PCDHGA6: variants seen among roughly 807,000 people sequenced by gnomAD.
PCDHGA6 encodes protocadherin gamma subfamily A, 6.
In PCDHGA6, 41 loss-of-function variants were observed where a neutral mutation model predicts 60.6. The ratio of observed to expected loss-of-function variants is 0.68; its 90% CI spans 0.53 to 0.88. The LOEUF is 0.88. PCDHGA6 is among the 40% of genes least tolerant of loss of function. PCDHGA6 has a pLI of 0.00. For missense variants in PCDHGA6, 1,312 were observed against 1,203.0 expected, an observed-to-expected ratio of 1.09 and a Z score of -1.34; for synonymous variants, 594 against 524.4, an observed-to-expected ratio of 1.13 and a Z score of -1.81.
chr5:141,378,520 C>T (rs930266884), intron 1 of PCDHGA6: 4 of 151,996 alleles, frequency 2.6e-5, no homozygotes, highest in Non-Finnish European at 5.9e-5. Flanking sequence ...GAGACTCTGT[C>T]TCAAAAAATA....
At position 141,375,929 on chromosome 5, in the gene PCDHGA6, C is replaced by T; in HGVS notation, c.1846C>T (p.Leu616Phe). 1 of 1,613,738 alleles carries T rather than the reference C, an allele frequency of 6.2e-7. No homozygotes were observed. Among genetic ancestry groups the T allele is most frequent in the South Asian group, 1.1e-5 (1 of 91,072 alleles). ...CCTGCTCAAGGCCAGCGAGCCAGGA[C>T]TTTTCTCAGTGGGCCTGCACACGGG... ...YRLLKASEPG[L>F]FSVGLHTGEV... Residue 616 changes from leucine to phenylalanine, a missense_variant, in exon 1 of 4, where the codon CTT becomes TTT. Transcript: ENST00000517434.
chr5:141,508,026 T>A (rs972124070), intron 3 of PCDHGA6: 3 of 152,314 alleles, frequency 2.0e-5, no homozygotes, highest in African/African-American at 7.2e-5. Context: ...GGCTGCGGTT[T>A]GCAGCTCAGC....
At chr5:141,405,032 G>A (rs747720731) in intron 1 of PCDHGA6, 25 of 1,613,806 alleles carry the variant, frequency 1.5e-5, no homozygotes, top group African/African-American at 6.7e-5. Context: ...CCTCTACCTC[G>A]TTGTGGCTGT....
At chr5:141,455,394 C>T (rs1034564159) in intron 1 of PCDHGA6, among the ~76,000 whole-genome samples, 2 of 152,004 alleles carry the variant, frequency 1.3e-5, no homozygotes, top group African/African-American at 4.8e-5. Context: ...AAGGAGCTCC[C>T]CCTTACAGAG....
rs763104309 is a variant in PCDHGA6, at chr5:141,432,042, G to A, written c.2424+55535G>A. 5 of 1,614,090 alleles carry A rather than the reference G, an allele frequency of 3.1e-6. No homozygotes were observed. The African/African-American group carries it at 6.7e-5, about 22-fold the overall frequency. ...ATCACAGTGACCGCCACTGACCGGG[G>A]AACCCCGCCCCTATCCACGGAAACT... On this transcript the variant is annotated intron_variant, in intron 1 of 3. Transcript: ENST00000517434. The surrounding 1 kb of genome is among the most constrained non-coding windows in gnomAD (Gnocchi z 6.0).
chr5:141,389,439 G>A, intron 1 of PCDHGA6: 1 of 1,610,580 alleles, frequency 6.2e-7, no homozygotes. Context: ...GCGCGCCTTC[G>A]ACCACGAGCA....
In PCDHGA6 at chr5:141,477,453, A is replaced by T; in HGVS notation, c.2425-17354A>T. On this transcript the variant is annotated intron_variant, in intron 1 of 3. Transcript: ENST00000517434. This position sits in a 1 kb window ranked among gnomAD's most constrained non-coding sequence, Gnocchi z 4.9. Reference sequence around the variant, plus strand: ...TCAGCCCTTACAATAGTGCGTGTTCAAGTGTCCGACATCAATGACAACCCT... The same window carrying T: ...TCAGCCCTTACAATAGTGCGTGTTCTAGTGTCCGACATCAATGACAACCCT... The T allele has an allele frequency of 6.2e-7, 1 of 1,614,136 alleles. No homozygotes were observed. The highest frequency in any genetic ancestry group is 8.5e-7 in the Non-Finnish European group (1 of 1,180,026).
rs145897132 is a variant in PCDHGA6, at chr5:141,395,374, T to C, written c.2424+18867T>C. The stretch of plus-strand genomic sequence containing the variant: ...CAGAGTTTTGGGTTTATTTTGGTGG[T>C]GTTACTATAAAATTGAACTCTAATA... On this transcript the variant is annotated intron_variant, in intron 1 of 3. Coordinates refer to ENST00000517434, the MANE Select transcript of PCDHGA6 (RefSeq NM_018919.3). 327 of 1,187,896 alleles carry C rather than the reference T, an allele frequency of 2.8e-4. 1 individual carries two copies. The African/African-American group carries it at 4.3e-3, about 16-fold the overall frequency. The allele number at this position is 1,187,896 out of a possible 1,614,324, so 73.6% of individuals were successfully genotyped here.
At chr5:141,429,796 A>C (rs2097245618) in intron 1 of PCDHGA6, among the ~76,000 whole-genome samples, 1 of 152,216 alleles carries the variant, frequency 6.6e-6, no homozygotes, top group Non-Finnish European at 1.5e-5. Flanking sequence ...ATTACCAGTA[A>C]TTCTCAGTAA....
At chr5:141,496,602 C>A (rs981108050) in intron 2 of PCDHGA6, among the ~76,000 whole-genome samples, 5 of 152,150 alleles carry the variant, frequency 3.3e-5, no homozygotes, top group Admixed American at 1.3e-4. Flanking sequence ...TCTTAGAAGG[C>A]CCCTAAAAAG....
Position 141,489,252 on chromosome 5 carries a change from G to A in PCDHGA6, c.2425-5555G>A. 2 of 1,547,622 alleles carry A rather than the reference G, an allele frequency of 1.3e-6. No individual in the cohort carries two copies. Among genetic ancestry groups the A allele is most frequent in the Non-Finnish European group, 1.7e-6 (2 of 1,147,198 alleles). On this transcript the variant is annotated intron_variant, in intron 1 of 3. Coordinates refer to ENST00000517434, the MANE Select transcript of PCDHGA6 (RefSeq NM_018919.3). The surrounding 1 kb of genome is among the most constrained non-coding windows in gnomAD (Gnocchi z 4.5). ...GGGACTTCTGGGTCATGGGGCCCAAGACACTCCCACAGCTCGCTGGGAAAT... is the reference window on the plus strand; with the variant it reads ...GGGACTTCTGGGTCATGGGGCCCAAAACACTCCCACAGCTCGCTGGGAAAT...
At chr5:141,452,000 A>G (rs2098730428) in intron 1 of PCDHGA6, among the ~76,000 whole-genome samples, 1 of 152,198 alleles carries the variant, frequency 6.6e-6, no homozygotes, top group Admixed American at 6.5e-5. Flanking sequence ...AAGCAAAATC[A>G]CTTGGTCCAG....
intron 1 of PCDHGA6, chr5:141,418,804 T>C (rs368948947): frequency 3.3e-5 from 54 of 1,613,718 alleles, no homozygotes; most frequent in African/African-American, 5.3e-5. Flanking sequence ...TAGAAAGATA[T>C]ACGATAAACA....
In PCDHGA6 at chr5:141,490,453, T is replaced by C; in HGVS notation, c.2425-4354T>C. 6.2e-7 allele frequency: 1 copy of C among 1,614,178 alleles called. No homozygotes were observed. Among genetic ancestry groups the C allele is most frequent in the Non-Finnish European group, 8.5e-7 (1 of 1,180,042 alleles). ...GATTAAGCCTTCTGAGAACCACTAC[T>C]CGCTGCTAACCAGCCAGCCTTTGGA... On this transcript the variant is annotated intron_variant, in intron 1 of 3. Coordinates refer to ENST00000517434, the MANE Select transcript of PCDHGA6 (RefSeq NM_018919.3). This position sits in a 1 kb window ranked among gnomAD's most constrained non-coding sequence, Gnocchi z 5.4.
intron 1 of PCDHGA6, chr5:141,410,718 TA>T: frequency 7.1e-7 from 1 of 1,402,688 alleles, no homozygotes; most frequent in Non-Finnish European, 9.6e-7. Context: ...ATCATATGTT[TA>T]AAATCCATAG....
chr5:141,501,304 C>T (rs1005430489), intron 2 of PCDHGA6, among the ~76,000 whole-genome samples: 104 of 151,340 alleles, frequency 6.9e-4, no homozygotes, highest in African/African-American at 2.2e-3. Flanking sequence ...CACACACACA[C>T]ACACACACAC....
At chr5:141,396,955 C>T (rs1476582665) in intron 1 of PCDHGA6, among the ~76,000 whole-genome samples, 2 of 152,156 alleles carry the variant, frequency 1.3e-5, no homozygotes, top group Non-Finnish European at 2.9e-5. Context: ...AAAGAAAATC[C>T]TTACTCTCCC....
chr5:141,501,374 T>A (rs2099808767), intron 2 of PCDHGA6, among the ~76,000 whole-genome samples: 1 of 151,106 alleles, frequency 6.6e-6, no homozygotes. Context: ...CATCATCTCT[T>A]AAATCCTAGG....
At chr5:141,460,067 G>T (rs1168161575) in intron 1 of PCDHGA6, among the ~76,000 whole-genome samples, 1 of 151,996 alleles carries the variant, frequency 6.6e-6, no homozygotes, top group Non-Finnish European at 1.5e-5. Flanking sequence ...AACAGAGTGA[G>T]ACTTCATCTA....
Sources: allele counts gnomAD v4.1 joint callset (sites outside exome capture counted in the v4.1 genomes callset), GRCh38; gene constraint gnomAD v4.1.1; non-coding constraint Gnocchi (gnomAD v3.1); transcripts MANE v1.5; gene names NCBI Gene and HGNC (gene_info 2026-07-23, HGNC 2026-07-21).